BAIAP2L1: variants seen among roughly 807,000 people sequenced by gnomAD.
BAIAP2L1 encodes the protein BAR/IMD domain-containing adapter protein 2-like 1.
Under a neutral mutation model 66.3 loss-of-function variants are expected in BAIAP2L1, and 35 were observed. That is an observed-to-expected ratio of 0.53 (90% CI 0.40 to 0.70). BAIAP2L1 has a LOEUF of 0.70. Among genes scored for constraint, BAIAP2L1 ranks in the 30% least tolerant of loss-of-function variants. The probability of loss-of-function intolerance (pLI) is 0.00; values close to 1 mark genes in which losing one functional copy is unlikely to be tolerated. For synonymous variants in BAIAP2L1, 269 were observed against 248.7 expected (o/e 1.08, Z -0.77); for missense variants, 622 against 656.9 (o/e 0.95, Z 0.58).
intron 2 of BAIAP2L1, among the ~76,000 whole-genome samples, chr7:98,356,133 A>G (rs1802114151): frequency 6.6e-6 from 1 of 152,134 alleles, no homozygotes. Flanking sequence ...TAACTATGTA[A>G]CCTCCAGGGG....
At chr7:98,340,198 C>T (rs1801707876) in intron 3 of BAIAP2L1, among the ~76,000 whole-genome samples, 3 of 152,214 alleles carry the variant, frequency 2.0e-5, no homozygotes, top group African/African-American at 7.2e-5. Flanking sequence ...TTCAGGTTGA[C>T]ACTTAGGATG....
chr7:98,326,354 T>C (rs987608891), intron 3 of BAIAP2L1, among the ~76,000 whole-genome samples: 3 of 152,174 alleles, frequency 2.0e-5, no homozygotes, highest in East Asian at 1.9e-4. Context: ...AGGGTGAGCA[T>C]TGCCTGGATC....
chr7:98,321,705 T>C (rs908761826), intron 3 of BAIAP2L1, among the ~76,000 whole-genome samples: 6 of 152,078 alleles, frequency 3.9e-5, no homozygotes, highest in African/African-American at 4.8e-5. Flanking sequence ...GAGAAACACA[T>C]AGACTCATCT....
chr7:98,308,158 A>G (rs868487599), intron 9 of BAIAP2L1: 8 of 614,672 alleles, frequency 1.3e-5, no homozygotes, highest in African/African-American at 1.3e-4. Flanking sequence ...TTCCAGGCCC[A>G]AGGACAAGGC....
At chr7:98,342,134 C>T (rs1360044967) in intron 3 of BAIAP2L1, among the ~76,000 whole-genome samples, 6 of 149,854 alleles carry the variant, frequency 4.0e-5, no homozygotes, top group Non-Finnish European at 7.4e-5. Context: ...TCACTGCAAC[C>T]TCCGCCTCCC....
chr7:98,299,366 C>T (rs938128161), intron 12 of BAIAP2L1, among the ~76,000 whole-genome samples: 5 of 152,016 alleles, frequency 3.3e-5, no homozygotes, highest in African/African-American at 9.7e-5. Context: ...CTATATTGCC[C>T]AGGCTGATCT....
intron 3 of BAIAP2L1, among the ~76,000 whole-genome samples, chr7:98,350,861 G>T (rs1460494893): frequency 6.6e-6 from 1 of 151,486 alleles, no homozygotes; most frequent in Non-Finnish European, 1.5e-5. Context: ...TGAAGTTTTT[G>T]TTTGTTTTTT....
intron 12 of BAIAP2L1, among the ~76,000 whole-genome samples, chr7:98,298,341 G>A (rs901175503): frequency 4.1e-5 from 6 of 146,210 alleles, no homozygotes; most frequent in Non-Finnish European, 6.1e-5. Context: ...GGCTGGGTGC[G>A]GTGGCTCACG....
intron 5 of BAIAP2L1, among the ~76,000 whole-genome samples, chr7:98,318,743 G>A (rs1035627425): frequency 1.3e-5 from 2 of 150,470 alleles, no homozygotes; most frequent in Non-Finnish European, 3.0e-5. Flanking sequence ...AGAAGTTTGA[G>A]ACCAGCCTGG....
At chr7:98,344,033 C>G (rs2115647654) in intron 3 of BAIAP2L1, among the ~76,000 whole-genome samples, 1 of 152,196 alleles carries the variant, frequency 6.6e-6, no homozygotes, top group East Asian at 1.9e-4. Context: ...ACAAAAAAAT[C>G]AGCTGGGTGT....
At chr7:98,391,000 ATTT>A (rs10538495) in intron 1 of BAIAP2L1, among the ~76,000 whole-genome samples, 40 of 144,260 alleles carry the variant, frequency 2.8e-4, no homozygotes, top group Non-Finnish European at 3.5e-4. Flanking sequence ...CACCCAGCTA[ATTT>A]TTTTTTTTTT....
chr7:98,352,444 C>T (rs1443784794), intron 3 of BAIAP2L1, among the ~76,000 whole-genome samples: 1 of 152,088 alleles, frequency 6.6e-6, no homozygotes, highest in Admixed American at 6.6e-5. Context: ...GAGTTTGAGA[C>T]CAGCCTGGCC....
intron 1 of BAIAP2L1, among the ~76,000 whole-genome samples, chr7:98,376,020 A>C (rs7806739): frequency 0.38 from 57,591 of 152,098 alleles, 12,427 homozygotes; most frequent in Middle Eastern, 0.54. Flanking sequence ...AAATACTTAC[A>C]TAAATCCTTA....
chr7:98,380,853 C>A (rs1450026626), intron 1 of BAIAP2L1, among the ~76,000 whole-genome samples: 1 of 142,226 alleles, frequency 7.0e-6, no homozygotes, highest in East Asian at 2.3e-4. Flanking sequence ...CCATTACAGG[C>A]TGCTAAGGAT....
intron 3 of BAIAP2L1, among the ~76,000 whole-genome samples, chr7:98,354,368 T>G (rs1217768786): frequency 6.6e-6 from 1 of 152,170 alleles, no homozygotes; most frequent in African/African-American, 2.4e-5. Context: ...GCACACACTT[T>G]ACCATGATTT....
At chr7:98,392,477 G>A (rs770252414) in intron 1 of BAIAP2L1, among the ~76,000 whole-genome samples, 5 of 152,162 alleles carry the variant, frequency 3.3e-5, no homozygotes, top group Non-Finnish European at 5.9e-5. Context: ...GCTTTAAAAT[G>A]TACCTGCCCT....
At chr7:98,376,987 G>A (rs1457826090) in intron 1 of BAIAP2L1, among the ~76,000 whole-genome samples, 1 of 152,088 alleles carries the variant, frequency 6.6e-6, no homozygotes, top group Non-Finnish European at 1.5e-5. Flanking sequence ...ATCAGGGTGG[G>A]TGTAATCTAA....
intron 3 of BAIAP2L1, among the ~76,000 whole-genome samples, chr7:98,324,932 C>T (rs929326581): frequency 6.6e-6 from 1 of 152,210 alleles, no homozygotes; most frequent in Non-Finnish European, 1.5e-5. Context: ...CATGGATAAT[C>T]AGAACCTGCT....
intron 12 of BAIAP2L1, among the ~76,000 whole-genome samples, chr7:98,297,991 G>A (rs923787878): frequency 1.3e-5 from 2 of 152,248 alleles, no homozygotes; most frequent in Non-Finnish European, 2.9e-5. Context: ...AGCACCTTGG[G>A]AGGCCAAGGC....
Sources: allele counts gnomAD v4.1 joint callset (sites outside exome capture counted in the v4.1 genomes callset), GRCh38; gene constraint gnomAD v4.1.1; transcripts MANE v1.5; gene names NCBI Gene and HGNC (gene_info 2026-07-23, HGNC 2026-07-21).